AGMO: variants seen among roughly 807,000 people sequenced by gnomAD.
AGMO encodes the protein glyceryl-ether monooxygenase.
A neutral mutation model predicts 60.2 loss-of-function variants in AGMO; 75 were observed. That is an observed-to-expected ratio of 1.25 (90% CI 1.03 to 1.51). The LOEUF (loss-of-function observed/expected upper bound fraction) is 1.51. AGMO is among the 40% of genes most tolerant of loss of function. The pLI is 0.00. For synonymous variants in AGMO, 261 were observed against 177.1 expected, an observed-to-expected ratio of 1.47 and a Z score of -3.76; for missense variants, 763 against 525.5, an observed-to-expected ratio of 1.45 and a Z score of -4.42.
intron 12 of AGMO, among the ~76,000 whole-genome samples, chr7:15,354,418 G>A (rs867789730): frequency 0.13 from 3,110 of 24,848 alleles, 552 homozygotes; most frequent in African/African-American, 0.38. Context: ...ACACGTGTGT[G>A]TATACACACA....
Position 15,529,647 on chromosome 7 carries a change from C to CTATATATTCTA in AGMO, c.409+15114_409+15124dup, listed in dbSNP as rs1160464895. On this transcript the variant is annotated intron_variant, in intron 3 of 12. Coordinates refer to ENST00000342526, the MANE Select transcript of AGMO (RefSeq NM_001004320.2). ...TATATATATAGAATATATATATATACTATATATTCTATATATATTCTATAT... is the reference window on the plus strand; with the variant it reads ...TATATATATAGAATATATATATATACTATATATTCTATATATATTCTATATATATTCTATAT... 5.4e-4 allele frequency among the ~76,000 whole-genome samples: 4 copies of CTATATATTCTA among 7,424 alleles called. 1 individual carries two copies. In the Admixed American group the frequency reaches 6.8e-3, roughly 13 times the overall value. The allele number at this position is 7,424 out of a possible 152,430, so 4.9% of individuals were successfully genotyped here. A position where few individuals can be genotyped will look rare whatever the true frequency, so the allele number is the denominator to read the frequency against.
chr7:15,374,166 C>G (rs1783346932), intron 10 of AGMO, among the ~76,000 whole-genome samples: 1 of 152,074 alleles, frequency 6.6e-6, no homozygotes, highest in Admixed American at 6.5e-5. Flanking sequence ...ATATGTGAGT[C>G]TCAAGAATCT....
At chr7:15,269,613 ATTTAAT>A (rs1300573300) in intron 12 of AGMO, among the ~76,000 whole-genome samples, 1 of 151,934 alleles carries the variant, frequency 6.6e-6, no homozygotes, top group Non-Finnish European at 1.5e-5. Context: ...ATTATTTTTA[ATTTAAT>A]TTTATTTTAC....
intron 12 of AGMO, among the ~76,000 whole-genome samples, chr7:15,349,831 AACTC>A (rs1782171430): frequency 6.6e-6 from 1 of 152,088 alleles, no homozygotes; most frequent in Non-Finnish European, 1.5e-5. Context: ...GTCTGGTGAG[AACTC>A]ACTATCATGA....
At chr7:15,129,770 T>C in the AGMO span, among the ~76,000 whole-genome samples, 121 of 152,276 alleles carry the variant, frequency 7.9e-4, no homozygotes, top group African/African-American at 2.8e-3. Context: ...AACAGGATAT[T>C]GAACAAGAGT....
At chr7:15,370,480 A>T (rs1583468444) in intron 10 of AGMO, among the ~76,000 whole-genome samples, 1 of 152,234 alleles carries the variant, frequency 6.6e-6, no homozygotes, top group East Asian at 1.9e-4. Context: ...TGCTTTCCAC[A>T]GTGGCTGAAC....
At chr7:15,218,318 G>GGTGTGT (rs1352965136) in intron 12 of AGMO, among the ~76,000 whole-genome samples, 35 of 108,230 alleles carry the variant, frequency 3.2e-4, no homozygotes, top group African/African-American at 1.1e-3. Context: ...TATTGACTAT[G>GGTGTGT]GTGTGTGTAT....
At chr7:15,371,375 C>A (rs114522422) in intron 10 of AGMO, among the ~76,000 whole-genome samples, 1 of 151,604 alleles carries the variant, frequency 6.6e-6, no homozygotes, top group Non-Finnish European at 1.5e-5. Context: ...CACATGCTAC[C>A]GTGCGCACAG....
intron 3 of AGMO, among the ~76,000 whole-genome samples, chr7:15,477,147 A>G (rs979644633): frequency 2.6e-5 from 4 of 152,036 alleles, no homozygotes; most frequent in African/African-American, 9.7e-5. Context: ...TTTTACAAAG[A>G]GAACTTCTCA....
chr7:15,476,255 T>C (rs978089827), intron 3 of AGMO, among the ~76,000 whole-genome samples: 5 of 152,110 alleles, frequency 3.3e-5, no homozygotes, highest in African/African-American at 1.2e-4. Flanking sequence ...GTAACAGTTT[T>C]CCAAAACAGT....
intron 6 of AGMO, among the ~76,000 whole-genome samples, chr7:15,392,820 AAAC>A (rs1562482852): frequency 6.6e-6 from 1 of 151,284 alleles, no homozygotes; most frequent in Non-Finnish European, 1.5e-5. Context: ...ACAAACAAAC[AAAC>A]AAACAAACAA....
intron 12 of AGMO, among the ~76,000 whole-genome samples, chr7:15,321,222 A>G (rs1175073910): frequency 6.6e-6 from 1 of 152,080 alleles, no homozygotes; most frequent in Non-Finnish European, 1.5e-5. Context: ...ACATTCATAC[A>G]CTTTTCTGCT....
chr7:15,508,325 A>T (rs1992025), intron 3 of AGMO, among the ~76,000 whole-genome samples: 1 of 151,932 alleles, frequency 6.6e-6, no homozygotes, highest in Admixed American at 6.6e-5. Context: ...AGTAAAAACA[A>T]TAACTTACAT....
chr7:15,475,204 A>T (rs12670245), intron 3 of AGMO, among the ~76,000 whole-genome samples: 1 of 152,076 alleles, frequency 6.6e-6, no homozygotes, highest in African/African-American at 2.4e-5. Context: ...ATATACCCAA[A>T]GGATTATAAA....
intron 3 of AGMO, among the ~76,000 whole-genome samples, chr7:15,450,551 T>C (rs1338876624): frequency 1.3e-5 from 2 of 152,170 alleles, no homozygotes; most frequent in South Asian, 2.1e-4. Context: ...TACTTTTATG[T>C]AGAAAGAAAG....
At chr7:15,391,859 T>TG (rs1184601036) in intron 6 of AGMO, among the ~76,000 whole-genome samples, 1 of 152,016 alleles carries the variant, frequency 6.6e-6, no homozygotes, top group Non-Finnish European at 1.5e-5. Flanking sequence ...ATCTAATGGG[T>TG]GGGGGCCAGT....
At position 15,365,564 on chromosome 7, in the gene AGMO, G is replaced by C; in HGVS notation, c.1213C>G (p.Arg405Gly). The C allele has an allele frequency of 6.2e-7, 1 of 1,612,622 alleles. No homozygotes were observed. The highest frequency in any genetic ancestry group is 8.5e-7 in the Non-Finnish European group (1 of 1,179,062). The change falls in exon 12 of 13, where the codon CGA (arginine) becomes GGA (glycine). Residue 405 changes from arginine to glycine, a missense_variant. Transcript: ENST00000342526. ...LRCLMFLMLY[R>G]FGHLKPLVPS... ...ACAAGAGGCTTCAGGTGACCAAATC[G>C]GTACAGCATTAAGAACATCAAGCAA...
the AGMO span, among the ~76,000 whole-genome samples, chr7:15,150,768 C>A: frequency 6.6e-6 from 1 of 151,936 alleles, no homozygotes; most frequent in South Asian, 2.1e-4. Context: ...GTTTGCTTTT[C>A]TTTTTGTGTC....
chr7:15,433,675 T>C (rs1339030865), intron 3 of AGMO, among the ~76,000 whole-genome samples: 3 of 152,044 alleles, frequency 2.0e-5, no homozygotes, highest in Non-Finnish European at 4.4e-5. Context: ...AAAGATATTA[T>C]TTAGAATAAG....
Sources: gnomAD v4.1 joint callset for allele counts (sites outside exome capture counted in the v4.1 genomes callset) on GRCh38, gnomAD v4.1.1 for gene constraint, MANE v1.5 for transcripts, NCBI Gene and HGNC (gene_info 2026-07-23, HGNC 2026-07-21) for gene names.